Variants in DERL3 observed in about 807,000 individuals in gnomAD.
The protein encoded by DERL3 is derlin 3.
A neutral mutation model predicts 23.8 loss-of-function variants in DERL3; 20 were observed. The observed-to-expected ratio is 0.84, with a 90% CI of 0.59 to 1.22. The LOEUF (loss-of-function observed/expected upper bound fraction) is 1.22, where lower values mean the gene tolerates loss of function less well. DERL3 is among the 50% of genes most tolerant of loss of function. The pLI, the probability that DERL3 is intolerant of heterozygous loss-of-function variation, is 0.00. For missense variants in DERL3, 319 were observed against 304.1 expected, an observed-to-expected ratio of 1.05 and a Z score of -0.36; for synonymous variants, 145 against 132.5, an observed-to-expected ratio of 1.09 and a Z score of -0.65.
rs1012025369 is a variant in DERL3 at position 23,838,021 on chromosome 22, C to A, written c.328-167G>T. 3.0e-6 allele frequency: 4 copies of A among 1,321,834 alleles called. No homozygotes were observed. The African/African-American group carries it at 5.9e-5, about 20-fold the overall frequency. The allele number at this position is 1,321,834 out of a possible 1,614,324, so 81.9% of individuals were successfully genotyped here. On this transcript the variant is annotated intron_variant, in intron 4 of 6. Coordinates refer to ENST00000318109, the MANE Select transcript of DERL3 (RefSeq NM_001002862.3). ...CACACTCCACGGGCTTCAGGTCCCA[C>A]GAAATCTGCCCTGCACACCTACAGC...
Position 23,837,430 on chromosome 22 carries a change from C to CA in DERL3, c.523+228dup, listed in dbSNP as rs946497193. ...ACCCTGACCCTCCCATCCTCACTCC[C>CA]ATCAGGACCGTGCAAGCATCAGTAG... On this transcript the variant is annotated intron_variant, in intron 5 of 6. Transcript: ENST00000318109. 1.9e-4 allele frequency: 121 copies of CA among 645,636 alleles called. No homozygotes were observed. In the African/African-American group the frequency reaches 1.9e-3, roughly 10 times the overall value. 40.0% of individuals were successfully genotyped at this position (645,636 alleles called of 1,614,324 possible).
At chr22:23,837,306 G>A in intron 5 of DERL3, 152 bp from the exon 6 acceptor site, 1 of 1,052,470 alleles carries the variant, frequency 9.5e-7, no homozygotes, top group Non-Finnish European at 1.4e-6. Flanking sequence ...CCAGCCCCGG[G>A]TTGGCCGTGA....
chr22:23,839,000 A>G lies in DERL3; in HGVS notation c.-13T>C. 6.4e-7 allele frequency: 1 copy of G among 1,556,624 alleles called. No individual in the cohort carries two copies. The highest frequency in any genetic ancestry group is 8.7e-7 in the Non-Finnish European group (1 of 1,150,894). ...CCTGCCACGCCATTGAACCTTCTCA[A>G]GCACGCGTGGCCCAGCCAGCAACGC... On this transcript the variant is annotated 5_prime_UTR_variant, in exon 1 of 7. Coordinates refer to ENST00000318109, the MANE Select transcript of DERL3 (RefSeq NM_001002862.3).
In DERL3 at chr22:23,838,050, A is replaced by T. The variant is rs572001833; in HGVS notation, c.328-196T>A. ...ATCTGCCCTGCACACCTACAGCCTCATCCCAGGGCCCAACCACTGCCTGTC... is the reference window on the plus strand; with the variant it reads ...ATCTGCCCTGCACACCTACAGCCTCTTCCCAGGGCCCAACCACTGCCTGTC... On this transcript the variant is annotated intron_variant, in intron 4 of 6. Coordinates refer to ENST00000318109, the MANE Select transcript of DERL3 (RefSeq NM_001002862.3). 176 of 1,420,798 alleles carry T rather than the reference A, an allele frequency of 1.2e-4. No homozygotes were observed. In the African/African-American group the frequency reaches 1.5e-3, roughly 12 times the overall value. 88.0% of individuals were successfully genotyped at this position (1,420,798 alleles called of 1,614,324 possible).
chr22:23,838,038 A>AC, intron 4 of DERL3, 184 bp from the exon 5 acceptor site: 1 of 1,367,124 alleles, frequency 7.3e-7, no homozygotes, highest in East Asian at 2.5e-5. Flanking sequence ...TGCCCTGCAC[A>AC]CCTACAGCCT....
rs375248744 is a variant in DERL3 at position 23,838,803 on chromosome 22, C to T, written c.94-27G>A. On this transcript the variant is annotated intron_variant, in intron 1 of 6. Transcript: ENST00000318109. ...TGTGGAACCAGGGGCCAGTCAAGAG[C>T]TGCCCGGGAGCCACGCCGTAACCAT... 62 of 1,551,164 alleles carry T rather than the reference C, an allele frequency of 4.0e-5. No individual in the cohort carries two copies. In the African/African-American group the frequency reaches 8.3e-4, roughly 21 times the overall value.
At position 23,834,798 on chromosome 22, in the gene DERL3, A is replaced by G; in HGVS notation, c.*2071T>C. Reference sequence around the variant, plus strand: ...AAGAGGCTCTCTGCCTTTCAGGAACAGCCCTAACCCTGCTCCCCTTGCTTG... The same window carrying G: ...AAGAGGCTCTCTGCCTTTCAGGAACGGCCCTAACCCTGCTCCCCTTGCTTG... On this transcript the variant is annotated 3_prime_UTR_variant, in exon 7 of 7. Coordinates refer to ENST00000318109, the MANE Select transcript of DERL3 (RefSeq NM_001002862.3). 1.9e-6 allele frequency: 3 copies of G among 1,591,070 alleles called. No homozygotes were observed. In the South Asian group the frequency reaches 3.4e-5, roughly 18 times the overall value.
At position 23,838,973 on chromosome 22, in the gene DERL3, TC is replaced by T. The variant is rs2031351339; in HGVS notation, c.14del (p.Gly5AspfsTer2). Reference protein sequence around the residue: MAWQGLAAEFLQVPA... With the variant: MAWQXLAAEFLQVPA... ...GCACCTGCAGGAACTCGGCCGCTAG[TC>T]CCTGCCACGCCATTGAACCTTCTCA... On this transcript the variant is annotated frameshift_variant, in exon 1 of 7. Coordinates refer to ENST00000318109, the MANE Select transcript of DERL3 (RefSeq NM_001002862.3). LOFTEE classifies it high-confidence loss of function. The T allele has an allele frequency of 1.8e-5, 29 of 1,574,254 alleles. No individual in the cohort carries two copies. In the East Asian group the frequency reaches 6.5e-4, roughly 35 times the overall value.
chr22:23,838,143 T>G lies in DERL3; in HGVS notation c.327+209A>C, dbSNP rs987017628. On this transcript the variant is annotated intron_variant, in intron 4 of 6. Transcript: ENST00000318109. ...TAGTGGCCCTGACAACCCACCTGGC[T>G]CTTTTGTGCATGGCTTTGTATTTTG... The G allele has an allele frequency of 1.0e-5, 16 of 1,528,316 alleles. No homozygotes were observed. In the African/African-American group the frequency reaches 2.2e-4, roughly 21 times the overall value. 94.7% of individuals were successfully genotyped at this position (1,528,316 alleles called of 1,614,324 possible).
rs776027614 is a variant in DERL3, at chr22:23,838,614, GA to G, written c.182del (p.Phe61SerfsTer48). 6.5e-7 allele frequency: 1 copy of G among 1,531,478 alleles called. No individual in the cohort carries two copies. 94.9% of individuals were successfully genotyped at this position (1,531,478 alleles called of 1,614,324 possible). On this transcript the variant is annotated frameshift_variant, in exon 3 of 7. Coordinates refer to ENST00000318109, the MANE Select transcript of DERL3 (RefSeq NM_001002862.3). LOFTEE classifies it high-confidence loss of function. ...TGAATCCCAGGGGCCCGAAGAAGAG[GA>G]AGTTGGTGACGAGCCTCCAGACCTA... ...KFQVWRLVTNFLFFGPLGFSF... is the reference protein window; with the variant it reads ...KFQVWRLVTNXLFFGPLGFSF...
chr22:23,838,420 C>A lies in DERL3; in HGVS notation c.259G>T (p.Glu87Ter), dbSNP rs773487659. ...GCCGTGCGGCCGCGGAAGGAGCCCT[C>A]TTCCAGCATGCGGCAGTAGCGGAAC... Reference protein sequence around the residue: ...FVFRYCRMLEEGSFRGRTADF... With the variant: ...FVFRYCRMLE The change falls in exon 4 of 7, where the codon GAG (glutamate) becomes TAG (stop). Residue 87 changes from glutamate (E) to a stop codon, truncating the protein, a stop_gained. Coordinates refer to ENST00000318109, the MANE Select transcript of DERL3 (RefSeq NM_001002862.3). LOFTEE classifies it high-confidence loss of function. 1 of 1,608,642 alleles carries A rather than the reference C, an allele frequency of 6.2e-7. No homozygotes were observed. The highest frequency in any genetic ancestry group is 8.5e-7 in the Non-Finnish European group (1 of 1,177,444).
In DERL3 at chr22:23,836,661, G is replaced by C. The variant is rs146532594; in HGVS notation, c.*208C>G. ...TGCAGTTGGGCTGAGAGGCCACACTGAGTGAGGACGGGGCAGGCATAGAAG... is the reference window on the plus strand; with the variant it reads ...TGCAGTTGGGCTGAGAGGCCACACTCAGTGAGGACGGGGCAGGCATAGAAG... On this transcript the variant is annotated 3_prime_UTR_variant, in exon 7 of 7. Coordinates refer to ENST00000318109, the MANE Select transcript of DERL3 (RefSeq NM_001002862.3). 545 of 1,267,696 alleles carry C rather than the reference G, an allele frequency of 4.3e-4. 4 individuals are homozygous for C. The African/African-American group carries it at 7.6e-3, about 18-fold the overall frequency. The allele number at this position is 1,267,696 out of a possible 1,614,324, so 78.5% of individuals were successfully genotyped here.
rs780848633 is a variant in DERL3 at position 23,838,584 on chromosome 22, G to C, written c.213C>G (p.Phe71Leu). Residue 71 changes from phenylalanine (F) to leucine (L), a missense_variant, in exon 3 of 7, where the codon TTC (phenylalanine) becomes TTG (leucine). By Grantham distance (22) the Phe-to-Leu change is conservative. Coordinates refer to ENST00000318109, the MANE Select transcript of DERL3 (RefSeq NM_001002862.3). ...FLFFGPLGFS[F>L]FFNMLFVFRY... ...GATACACGAAGAGCATGTTGAAGAAGAAGCTGAATCCCAGGGGCCCGAAGA... is the reference window on the plus strand; with the variant it reads ...GATACACGAAGAGCATGTTGAAGAACAAGCTGAATCCCAGGGGCCCGAAGA... 4.4e-6 allele frequency: 7 copies of C among 1,586,308 alleles called. No homozygotes were observed. The highest frequency in any genetic ancestry group is 6.0e-6 in the Non-Finnish European group (7 of 1,167,138).
rs1009151859 is a variant in DERL3 at position 23,837,467 on chromosome 22, C to T, written c.523+192G>A. On this transcript the variant is annotated intron_variant, in intron 5 of 6. Coordinates refer to ENST00000318109, the MANE Select transcript of DERL3 (RefSeq NM_001002862.3). ...GCAAGCATCAGTAGATCCGTCCTGACGATGCAAATTATGTGGGCCGGCTGG... is the reference window on the plus strand; with the variant it reads ...GCAAGCATCAGTAGATCCGTCCTGATGATGCAAATTATGTGGGCCGGCTGG... 38 of 677,832 alleles carry T rather than the reference C, an allele frequency of 5.6e-5. 1 individual carries two copies. Among genetic ancestry groups the T allele is most frequent in the Admixed American group, 8.7e-5 (3 of 34,412 alleles). The allele number at this position is 677,832 out of a possible 1,614,324, so 42.0% of individuals were successfully genotyped here. A position where few individuals can be genotyped will look rare whatever the true frequency, so the allele number is the denominator to read the frequency against.
In DERL3 at chr22:23,834,746, G is replaced by T; in HGVS notation, c.*2123C>A. 6.7e-7 allele frequency: 1 copy of T among 1,493,706 alleles called. No individual in the cohort carries two copies. The allele number at this position is 1,493,706 out of a possible 1,614,324, so 92.5% of individuals were successfully genotyped here. ...GTTCTCCTTCCAGACCCAGAGAGCT[G>T]AGAAGAGTAGCTGTGAGGCTCAGGG... On this transcript the variant is annotated 3_prime_UTR_variant, in exon 7 of 7. Coordinates refer to ENST00000318109, the MANE Select transcript of DERL3 (RefSeq NM_001002862.3).
rs766190522 is a variant in DERL3, at chr22:23,838,123, G to A, written c.327+229C>T. 22 of 1,521,766 alleles carry A rather than the reference G, an allele frequency of 1.4e-5. No individual in the cohort carries two copies. In the South Asian group the frequency reaches 2.7e-4, roughly 19 times the overall value. 94.3% of individuals were successfully genotyped at this position (1,521,766 alleles called of 1,614,324 possible). On this transcript the variant is annotated intron_variant, in intron 4 of 6. Transcript: ENST00000318109. ...ACTCGCATTCAGGGCTCAGCTAGTGGCCCTGACAACCCACCTGGCTCTTTT... is the reference window on the plus strand; with the variant it reads ...ACTCGCATTCAGGGCTCAGCTAGTGACCCTGACAACCCACCTGGCTCTTTT...
chr22:23,837,933 T>C, intron 4 of DERL3, 79 bp from the exon 5 acceptor site: 3 of 1,418,116 alleles, frequency 2.1e-6, no homozygotes, highest in Middle Eastern at 2.4e-4. Flanking sequence ...ACCCTGGAAT[T>C]CTTCCCCTCA....
Position 23,838,905 on chromosome 22 carries a change from G to A in DERL3, c.83C>T (p.Thr28Ile). 1.9e-6 allele frequency: 3 copies of A among 1,568,418 alleles called. No homozygotes were observed. Among genetic ancestry groups the A allele is most frequent in the Non-Finnish European group, 2.6e-6 (3 of 1,156,794 alleles). The change falls in exon 1 of 7, where the codon ACC becomes ATC. Residue 28 changes from threonine (T) to isoleucine (I), a missense_variant. By Grantham distance (89) the Thr-to-Ile change is moderately conservative. Coordinates refer to ENST00000318109, the MANE Select transcript of DERL3 (RefSeq NM_001002862.3). ...RAYTAACVLT[T>I]AAVQLELLSP... ...CGCCCGGCCGCTTACCACCGCGGCG[G>A]TGGTGAGGACACAGGCTGCGGTGTA...
At chr22:23,838,305 C>G (rs1454738831) in intron 4 of DERL3, 47 bp downstream of exon 4, 1 of 1,560,586 alleles carries the variant, frequency 6.4e-7, no homozygotes, top group Non-Finnish European at 8.7e-7. Flanking sequence ...ACAGGCTGGA[C>G]GCCGAGGCGC....
Sources: gnomAD v4.1 joint callset for allele counts on GRCh38, gnomAD v4.1.1 for gene constraint, MANE v1.5 for transcripts, NCBI Gene and HGNC (gene_info 2026-07-23, HGNC 2026-07-21) for gene names.